Variants in FGF14 observed in about 807,000 individuals in gnomAD.
FGF14 encodes fibroblast growth factor homologous factor 4.
Under a neutral mutation model 25.5 loss-of-function variants are expected in FGF14, and 5 were observed. That is an observed-to-expected ratio of 0.20 (90% confidence interval 0.10 to 0.41). The LOEUF is 0.41. FGF14 is among the 10% of genes least tolerant of loss of function. The probability of loss-of-function intolerance (pLI) is 1.00; values close to 1 mark genes in which losing one functional copy is unlikely to be tolerated. For missense variants in FGF14, 222 were observed against 320.1 expected (o/e 0.69, Z 2.34); for synonymous variants, 138 against 118.3 (o/e 1.17, Z -1.08).
chr13:101,798,299 T>C (rs149735168), intron 3 of FGF14, among the ~76,000 whole-genome samples: 1 of 152,196 alleles, frequency 6.6e-6, no homozygotes, highest in Non-Finnish European at 1.5e-5. Flanking sequence ...GTCCTGTAAG[T>C]AAAACCAACA....
chr13:102,309,270 C>G (rs1464626042), intron 1 of FGF14, among the ~76,000 whole-genome samples: 1 of 152,128 alleles, frequency 6.6e-6, no homozygotes, highest in Admixed American at 6.6e-5. Context: ...GCACCAAACT[C>G]GCTGAGCGCA....
intron 1 of FGF14, among the ~76,000 whole-genome samples, chr13:102,068,554 G>GC (rs1364962078): frequency 4.6e-5 from 7 of 152,188 alleles, no homozygotes; most frequent in Non-Finnish European, 1.0e-4. Context: ...GGCTTGGCGG[G>GC]CCTGCACTCG....
chr13:102,161,570 A>AAAGAAGAAG lies in FGF14; in HGVS notation c.208+239900_208+239901insCTTCTTCTT, dbSNP rs1555369389. Among the ~76,000 whole-genome samples the AAAGAAGAAG allele has an allele frequency of 7.1e-4, 4 of 5,652 alleles. 2 individuals carry two copies. The highest frequency in any genetic ancestry group is 0.11 in the Middle Eastern group (2 of 18). The allele number at this position is 5,652 out of a possible 152,430, so 3.7% of individuals were successfully genotyped here. ...TCTATGCAACCAACTTTCTGTGAAG[A>AAAGAAGAAG]AAGAAAGAAGAAGAAGAAGAAGAAG... On this transcript the variant is annotated intron_variant, in intron 1 of 4. Coordinates refer to the FGF14 transcript ENST00000376131.
intron 1 of FGF14, among the ~76,000 whole-genome samples, chr13:102,255,272 T>G (rs2052380741): frequency 6.6e-6 from 1 of 152,204 alleles, no homozygotes; most frequent in African/African-American, 2.4e-5. Context: ...GAAATCCAAA[T>G]GTCCAACCAT....
chr13:101,930,184 A>G (rs1048766509), intron 1 of FGF14, among the ~76,000 whole-genome samples: 6 of 152,228 alleles, frequency 3.9e-5, no homozygotes, highest in East Asian at 1.9e-4. Flanking sequence ...AAGACACTTG[A>G]AAAAACAAAC....
chr13:102,110,940 C>A (rs2045193595), intron 1 of FGF14, among the ~76,000 whole-genome samples: 1 of 152,178 alleles, frequency 6.6e-6, no homozygotes, highest in Non-Finnish European at 1.5e-5. Flanking sequence ...TCCCATTAGC[C>A]TTAAGAAAAT....
chr13:102,031,371 C>T (rs913201625), intron 1 of FGF14, among the ~76,000 whole-genome samples: 1 of 152,072 alleles, frequency 6.6e-6, no homozygotes, highest in African/African-American at 2.4e-5. Flanking sequence ...TTTCCTTATG[C>T]ACTTATGATA....
At chr13:102,139,122 T>C (rs1036958325) in intron 1 of FGF14, among the ~76,000 whole-genome samples, 2 of 152,346 alleles carry the variant, frequency 1.3e-5, no homozygotes, top group South Asian at 2.1e-4. Context: ...CTTGTCAAGA[T>C]AGTATAATCC....
At chr13:101,777,351 A>C (rs1208731349) in intron 3 of FGF14, among the ~76,000 whole-genome samples, 2 of 152,186 alleles carry the variant, frequency 1.3e-5, no homozygotes, top group Non-Finnish European at 2.9e-5. Flanking sequence ...TAACGGAGGA[A>C]GAGCAATTAA....
chr13:101,828,807 T>C (rs1346561403), intron 3 of FGF14, among the ~76,000 whole-genome samples: 5 of 152,136 alleles, frequency 3.3e-5, no homozygotes, highest in Non-Finnish European at 7.4e-5. Flanking sequence ...TTTAAAAGTC[T>C]ACTGATGTGC....
chr13:102,252,428 G>C (rs897750679), intron 1 of FGF14, among the ~76,000 whole-genome samples: 2 of 152,094 alleles, frequency 1.3e-5, no homozygotes, highest in African/African-American at 4.8e-5. Flanking sequence ...AAATATAGCC[G>C]TACCTTGGTA....
intron 1 of FGF14, among the ~76,000 whole-genome samples, chr13:102,124,255 CTGTGGACTGTGCGG>C (rs1440238309): frequency 6.6e-6 from 1 of 152,266 alleles, no homozygotes; most frequent in East Asian, 1.9e-4. Context: ...GGAAAAATTA[CTGTGGACTGTGCGG>C]TGTGGATCTG....
intron 1 of FGF14, among the ~76,000 whole-genome samples, chr13:102,253,268 T>C (rs978366497): frequency 6.6e-6 from 1 of 152,212 alleles, no homozygotes; most frequent in Admixed American, 6.5e-5. Flanking sequence ...ATGGTTGAAC[T>C]AGTTTACACT....
chr13:101,889,990 T>A (rs1395269379), intron 1 of FGF14, among the ~76,000 whole-genome samples: 2 of 152,210 alleles, frequency 1.3e-5, no homozygotes, highest in African/African-American at 4.8e-5. Flanking sequence ...TTCTAATCTC[T>A]CCTGTCAAGA....
chr13:102,138,132 CCAT>C (rs1382281600), intron 1 of FGF14, among the ~76,000 whole-genome samples: 1 of 148,956 alleles, frequency 6.7e-6, no homozygotes, highest in Non-Finnish European at 1.5e-5. Context: ...GGCAATGAGA[CCAT>C]CATTCTTTTC....
Position 101,991,808 on chromosome 13 carries a change from G to T in FGF14, c.209-116512C>A, listed in dbSNP as rs1405151306. ...AAATCTGAGGAAAGGGGCTAGTCTC[G>T]GCAAGAAGCCCACACTTTCTTAAAT... On this transcript the variant is annotated intron_variant, in intron 1 of 4. Transcript: ENST00000376131. 2.6e-5 allele frequency among the ~76,000 whole-genome samples: 4 copies of T among 152,042 alleles called. No individual in the cohort carries two copies. In the East Asian group the frequency reaches 7.7e-4, roughly 29 times the overall value.
intron 3 of FGF14, among the ~76,000 whole-genome samples, chr13:101,848,887 CA>C (rs901185206): frequency 4.0e-5 from 6 of 151,604 alleles, no homozygotes; most frequent in South Asian, 4.2e-4. Flanking sequence ...GAAACTCATA[CA>C]AAAAAAATCT....
intron 1 of FGF14, among the ~76,000 whole-genome samples, chr13:102,257,342 CTTT>C (rs71125058): frequency 6.1e-5 from 2 of 32,576 alleles, no homozygotes; most frequent in Admixed American, 5.0e-4. Context: ...CCTTTCTTTT[CTTT>C]TTTTTTTTTT....
chr13:102,270,382 G>C (rs1464837423), intron 1 of FGF14, among the ~76,000 whole-genome samples: 1 of 151,924 alleles, frequency 6.6e-6, no homozygotes, highest in Non-Finnish European at 1.5e-5. Flanking sequence ...TTCAAAATCT[G>C]TATCATATTA....
Sources: gnomAD v4.1 joint callset for allele counts (sites outside exome capture counted in the v4.1 genomes callset) on GRCh38, gnomAD v4.1.1 for gene constraint, MANE v1.5 for transcripts, NCBI Gene and HGNC (gene_info 2026-07-23, HGNC 2026-07-21) for gene names.